The following CFAP46 variants were observed in gnomAD, a reference collection of about 807,000 sequenced individuals.
CFAP46 encodes cilia- and flagella-associated protein 46.
Under a neutral mutation model 325.7 loss-of-function variants are expected in CFAP46, and 245 were observed. The ratio of observed to expected loss-of-function variants is 0.75; its 90% CI spans 0.68 to 0.84. CFAP46 has a LOEUF of 0.84. Ranked by LOEUF, CFAP46 falls within the 40% of genes least tolerant of loss-of-function variation. The pLI is 0.00. For missense variants in CFAP46, 3,346 were observed against 3,543.0 expected (o/e 0.94, Z 1.41); for synonymous variants, 1,523 against 1,495.9 (o/e 1.02, Z -0.42).
chr10:132,816,630 G>C (rs536621599), intron 50 of CFAP46, among the ~76,000 whole-genome samples: 135 of 152,294 alleles, frequency 8.9e-4, no homozygotes, highest in African/African-American at 3.1e-3. Flanking sequence ...ATTGTGCCCG[G>C]CCAACTCTGA....
rs1849733081 is a variant in CFAP46 at position 132,922,129 on chromosome 10, C to T, written c.1581G>A (p.Val527=). 1.9e-6 allele frequency: 3 copies of T among 1,550,266 alleles called. No homozygotes were observed. Among genetic ancestry groups the T allele is most frequent in the Non-Finnish European group, 2.6e-6 (3 of 1,146,958 alleles). The change falls in exon 13 of 58, where the codon GTG becomes GTA. Residue 527 remains valine, a synonymous_variant. Transcript: ENST00000368586. The part of the protein sequence containing the change: ...LALAPDAFQI[V]LDSENEAKVS... ...CTTTGGCCTCATTCTCACTGTCCAG[C>T]ACAATCTGAAACGCGTCAGGGGCTA...
At chr10:132,910,815 T>C (rs970975948) in intron 19 of CFAP46, among the ~76,000 whole-genome samples, 4 of 152,102 alleles carry the variant, frequency 2.6e-5, no homozygotes, top group African/African-American at 9.7e-5. Context: ...TGGATAAACT[T>C]CCAAACATTT....
chr10:132,836,687 C>G, intron 45 of CFAP46, 130 bp downstream of exon 45: 2 of 781,480 alleles, frequency 2.6e-6, no homozygotes, highest in Non-Finnish European at 2.2e-6. Context: ...TTGGGACTGT[C>G]CGGGCGTTTC....
chr10:132,863,372 T>C (rs960661189), intron 35 of CFAP46, among the ~76,000 whole-genome samples: 4 of 152,142 alleles, frequency 2.6e-5, no homozygotes, highest in Admixed American at 6.5e-5. Context: ...GGCCCTCTTC[T>C]GTGTCTGCGG....
rs770081309 is a variant in CFAP46 at position 132,916,693 on chromosome 10, C to T, written c.1987-11G>A. 4 of 1,454,632 alleles carry T rather than the reference C, an allele frequency of 2.7e-6. No individual in the cohort carries two copies. Among genetic ancestry groups the T allele is most frequent in the Middle Eastern group, 1.8e-4 (1 of 5,570 alleles). 90.1% of individuals were successfully genotyped at this position (1,454,632 alleles called of 1,614,324 possible). ...CAAATGAACCGTGGCCTGCAAAACACACATGCGGTGGGAGGGGTCATGGGC... is the reference window on the plus strand; with the variant it reads ...CAAATGAACCGTGGCCTGCAAAACATACATGCGGTGGGAGGGGTCATGGGC... On this transcript the variant is annotated splice_polypyrimidine_tract_variant and intron_variant, in intron 16 of 57. Coordinates refer to ENST00000368586, the MANE Select transcript of CFAP46 (RefSeq NM_001200049.3).
intron 47 of CFAP46, 66 bp from the exon 48 acceptor site, chr10:132,834,841 C>G: frequency 6.5e-7 from 1 of 1,534,464 alleles, no homozygotes; most frequent in Middle Eastern, 2.4e-4. Context: ...CCGCGAGGGC[C>G]AGGCCCCTGC....
intron 32 of CFAP46, chr10:132,872,416 G>A (rs1848905910): frequency 2.3e-6 from 1 of 429,144 alleles, no homozygotes; most frequent in Non-Finnish European, 4.3e-6. Flanking sequence ...ACCATACCTG[G>A]CTAATATATT....
Position 132,919,968 on chromosome 10 carries a change from G to A in CFAP46, c.1730+91C>T. 1.4e-6 allele frequency: 2 copies of A among 1,405,632 alleles called. No homozygotes were observed. The highest frequency in any genetic ancestry group is 1.9e-6 in the Non-Finnish European group (2 of 1,077,972). 87.1% of individuals were successfully genotyped at this position (1,405,632 alleles called of 1,614,324 possible). ...GCGAGTCCCCAGACGGCCACATGCA[G>A]GGTCAGCTCAGCCGCCACAGACACT... On this transcript the variant is annotated intron_variant, in intron 14 of 57. Coordinates refer to ENST00000368586, the MANE Select transcript of CFAP46 (RefSeq NM_001200049.3). The surrounding 1 kb of genome is among the most constrained non-coding windows in gnomAD (Gnocchi z 9.7).
chr10:132,907,343 A>C (rs1849471346), intron 22 of CFAP46, among the ~76,000 whole-genome samples: 1 of 152,246 alleles, frequency 6.6e-6, no homozygotes, highest in South Asian at 2.1e-4. Flanking sequence ...GGGAAAGATT[A>C]GGGATGATAA....
intron 10 of CFAP46, 119 bp from the exon 11 acceptor site, chr10:132,925,005 C>T (rs1156696390): frequency 6.6e-5 from 51 of 777,508 alleles, no homozygotes; most frequent in Non-Finnish European, 8.3e-5. Flanking sequence ...CCCTGCGTGG[C>T]GTCATGCTCA....
intron 50 of CFAP46, among the ~76,000 whole-genome samples, chr10:132,820,825 G>A (rs1418034145): frequency 1.4e-5 from 2 of 138,778 alleles, no homozygotes; most frequent in Non-Finnish European, 1.5e-5. Flanking sequence ...GCTGATGTGT[G>A]CTGAGTGCTG....
rs146960664 is a variant in CFAP46, at chr10:132,810,409, C to T, written c.7664G>A (p.Arg2555Lys). ...EDEWRRGGEPRRGFSDLEGQA... is the reference protein window; with the variant it reads ...EDEWRRGGEPKRGFSDLEGQA... ...GGGGTGCAGGCCGCCCCTCCCTTAC[C>T]TTGGTTCACCGCCTCGTCGCCACTC... Residue 2555 changes from arginine to lysine, a missense_variant and splice_region_variant, in exon 57 of 58, where the codon AGA (arginine) becomes AAA (lysine). By Grantham distance (26) the Arg-to-Lys change is conservative. Transcript: ENST00000368586. 6.2e-6 allele frequency: 10 copies of T among 1,613,180 alleles called. No individual in the cohort carries two copies. The highest frequency in any genetic ancestry group is 8.5e-6 in the Non-Finnish European group (10 of 1,179,912).
chr10:132,913,668 G>T (rs965920368), intron 17 of CFAP46, among the ~76,000 whole-genome samples: 1 of 152,172 alleles, frequency 6.6e-6, no homozygotes, highest in African/African-American at 2.4e-5. Flanking sequence ...TGGGACGGCT[G>T]GATGGTGTCT....
intron 35 of CFAP46, among the ~76,000 whole-genome samples, chr10:132,864,363 C>T (rs542372006): frequency 1.8e-3 from 215 of 120,108 alleles, no homozygotes; most frequent in South Asian, 6.7e-3. Context: ...GACCTGCACA[C>T]ACCTGTCCCC....
At position 132,909,239 on chromosome 10, in the gene CFAP46, GGT is replaced by G; in HGVS notation, c.2653_2654del (p.Thr885GlnfsTer2). The G allele has an allele frequency of 6.5e-7, 1 of 1,549,938 alleles. No homozygotes were observed. The highest frequency in any genetic ancestry group is 8.7e-7 in the Non-Finnish European group (1 of 1,146,532). ...TGGTCACCGAGCTGACATCCTCATT[GGT>G]GCCCTGGTGGGGAGGATGCCCTGAG... ...GPRLGTEEQG[T>X]NEDVSSVTRV... On this transcript the variant is annotated frameshift_variant, in exon 21 of 58. Coordinates refer to ENST00000368586, the MANE Select transcript of CFAP46 (RefSeq NM_001200049.3). LOFTEE classifies it high-confidence loss of function.
In CFAP46 at chr10:132,914,888, G is replaced by A. The variant is rs370414367; in HGVS notation, c.2121-1630C>T. 2.0e-4 allele frequency among the ~76,000 whole-genome samples: 30 copies of A among 152,208 alleles called. No individual in the cohort carries two copies. The South Asian group carries it at 3.3e-3, about 17-fold the overall frequency. ...CTGGCTTCGCTCCACACTGTGAAGCGCCGCCCTCCCTTCTGCCCAAGTGAG... is the reference window on the plus strand; with the variant it reads ...CTGGCTTCGCTCCACACTGTGAAGCACCGCCCTCCCTTCTGCCCAAGTGAG... On this transcript the variant is annotated intron_variant, in intron 17 of 57. Coordinates refer to ENST00000368586, the MANE Select transcript of CFAP46 (RefSeq NM_001200049.3).
intron 50 of CFAP46, among the ~76,000 whole-genome samples, chr10:132,824,889 G>T (rs1848007643): frequency 6.8e-6 from 1 of 146,876 alleles, no homozygotes; most frequent in Non-Finnish European, 1.5e-5. Flanking sequence ...GTGCAGTGAT[G>T]TGTGCTGTGT....
At chr10:132,900,135 T>G (rs1049602213) in intron 22 of CFAP46, among the ~76,000 whole-genome samples, 3 of 152,196 alleles carry the variant, frequency 2.0e-5, no homozygotes, top group African/African-American at 7.2e-5. Context: ...CATTAACTGT[T>G]TTTTTAATGA....
At chr10:132,859,323 G>C in intron 37 of CFAP46, 76 bp from the exon 38 acceptor site, 2 of 1,303,006 alleles carry the variant, frequency 1.5e-6, no homozygotes, top group Non-Finnish European at 2.1e-6. Context: ...GGCTGCCGCT[G>C]TTCTCCCCGG....
Sources: gnomAD v4.1 joint callset for allele counts (sites outside exome capture counted in the v4.1 genomes callset) on GRCh38, gnomAD v4.1.1 for gene constraint, Gnocchi (gnomAD v3.1) non-coding constraint, MANE v1.5 for transcripts, NCBI Gene and HGNC (gene_info 2026-07-23, HGNC 2026-07-21) for gene names.